The following MACF1 variants were observed in gnomAD, a reference collection of about 807,000 sequenced individuals.
MACF1 encodes microtubule-actin cross-linking factor 1.
Under a neutral mutation model 854.8 loss-of-function variants are expected in MACF1, and 193 were observed. That is an observed-to-expected ratio of 0.23 (90% CI 0.20 to 0.25). The LOEUF is 0.25. Among genes scored for constraint, MACF1 ranks in the 10% least tolerant of loss-of-function variants. The pLI, the probability that MACF1 is intolerant of heterozygous loss-of-function variation, is 1.00. For missense variants in MACF1, 7,722 were observed against 8,929.1 expected, an observed-to-expected ratio of 0.86 and a Z score of 5.45; for synonymous variants, 3,185 against 3,226.7, an observed-to-expected ratio of 0.99 and a Z score of 0.44.
intron 58 of MACF1, among the ~76,000 whole-genome samples, chr1:39,403,043 GT>G (rs1305474403): frequency 6.7e-6 from 1 of 148,992 alleles, no homozygotes; most frequent in South Asian, 2.1e-4. Flanking sequence ...TCTCTCTTTT[GT>G]TTTTTTTGTT....
chr1:39,330,500 T>A (rs1339522410), intron 36 of MACF1, among the ~76,000 whole-genome samples: 1 of 152,192 alleles, frequency 6.6e-6, no homozygotes, highest in Non-Finnish European at 1.5e-5. Flanking sequence ...TGGCGTTGAA[T>A]TCTCACTTTG....
chr1:39,109,378 T>C (rs1331828064), intron 2 of MACF1, among the ~76,000 whole-genome samples: 1 of 152,220 alleles, frequency 6.6e-6, no homozygotes, highest in Non-Finnish European at 1.5e-5. Context: ...CAAGCAATTC[T>C]CCTGCCTCAG....
At chr1:39,312,308 T>C (rs1646317702) in intron 26 of MACF1, among the ~76,000 whole-genome samples, 2 of 152,230 alleles carry the variant, frequency 1.3e-5, no homozygotes, top group South Asian at 4.1e-4. Context: ...AGAAAAGTTT[T>C]ATTCTCTTAT....
At chr1:39,321,694 T>G (rs552956401) in intron 31 of MACF1, among the ~76,000 whole-genome samples, 107 of 152,312 alleles carry the variant, frequency 7.0e-4, no homozygotes, top group African/African-American at 2.4e-3. Context: ...CTTCTCAAAG[T>G]GTTGTCTTTG....
At chr1:39,222,272 A>G (rs1002016713) in intron 1 of MACF1, among the ~76,000 whole-genome samples, 1 of 152,142 alleles carries the variant, frequency 6.6e-6, no homozygotes, top group Non-Finnish European at 1.5e-5. Flanking sequence ...CCACAGGCGC[A>G]AGCCACCATG....
chr1:39,284,948 T>G, intron 11 of MACF1, 135 bp from the exon 12 acceptor site: 1 of 1,226,964 alleles, frequency 8.2e-7, no homozygotes, highest in Non-Finnish European at 1.2e-6. Flanking sequence ...TATTTGATTG[T>G]TTTTCCATGT....
At chr1:39,327,051 C>G (rs1646628181) in intron 35 of MACF1, among the ~76,000 whole-genome samples, 167 bp from the exon 36 acceptor site, 1 of 152,074 alleles carries the variant, frequency 6.6e-6, no homozygotes, top group Admixed American at 6.5e-5. Flanking sequence ...AGAACCATGA[C>G]TTGATTTGAG....
At chr1:39,440,111 C>CTTTTCTTTT (rs1553414036) in intron 72 of MACF1, among the ~76,000 whole-genome samples, 15 of 64,518 alleles carry the variant, frequency 2.3e-4, no homozygotes, top group East Asian at 1.1e-3. Flanking sequence ...CTTTTCTTTT[C>CTTTTCTTTT]TTTTTTTTTT....
intron 97 of MACF1, among the ~76,000 whole-genome samples, chr1:39,472,551 G>GT (rs1464026212): frequency 1.3e-5 from 2 of 152,162 alleles, no homozygotes; most frequent in African/African-American, 4.8e-5. Context: ...TTTCTTCCAA[G>GT]TGATATGTAT....
intron 58 of MACF1, among the ~76,000 whole-genome samples, chr1:39,396,410 T>TA (rs1463622679): frequency 6.6e-6 from 1 of 151,890 alleles, no homozygotes; most frequent in African/African-American, 2.4e-5. Flanking sequence ...ATTCTTCACA[T>TA]ACAGTATCAG....
intron 2 of MACF1, among the ~76,000 whole-genome samples, chr1:39,172,079 C>T (rs982114284): frequency 3.9e-5 from 6 of 152,172 alleles, no homozygotes; most frequent in African/African-American, 1.4e-4. Flanking sequence ...TCAGGGGACT[C>T]TGAATGTTGC....
At chr1:39,195,698 G>A (rs1644310565) in intron 2 of MACF1, among the ~76,000 whole-genome samples, 1 of 152,134 alleles carries the variant, frequency 6.6e-6, no homozygotes, top group South Asian at 2.1e-4. Context: ...AAACGTGCCA[G>A]GATAATGAGG....
intron 2 of MACF1, among the ~76,000 whole-genome samples, chr1:39,125,522 G>C (rs929321631): frequency 6.6e-6 from 1 of 152,150 alleles, no homozygotes; most frequent in African/African-American, 2.4e-5. Context: ...ATTCATTCGG[G>C]AGATGCTTAG....
chr1:39,309,463 A>G (rs1293560159), intron 23 of MACF1, 107 bp from the exon 24 acceptor site: 4 of 1,338,724 alleles, frequency 3.0e-6, no homozygotes, highest in South Asian at 1.4e-5. Flanking sequence ...TCTCTGCTCA[A>G]CATATAAGCT....
chr1:39,090,680 C>G (rs1216765112), intron 2 of MACF1, among the ~76,000 whole-genome samples: 2 of 152,172 alleles, frequency 1.3e-5, no homozygotes, highest in Non-Finnish European at 2.9e-5. Context: ...GAAGCCTAGG[C>G]TGAAGGTAGG....
intron 58 of MACF1, among the ~76,000 whole-genome samples, chr1:39,402,743 C>T (rs1642526003): frequency 6.6e-6 from 1 of 152,214 alleles, no homozygotes; most frequent in Non-Finnish European, 1.5e-5. Flanking sequence ...TCATTGGCTT[C>T]CTAGTTGCCA....
At chr1:39,239,067 G>T (rs1488709897) in intron 2 of MACF1, among the ~76,000 whole-genome samples, 1 of 152,144 alleles carries the variant, frequency 6.6e-6, no homozygotes, top group African/African-American at 2.4e-5. Context: ...GATCACTTGA[G>T]GTCAGGAGTT....
At chr1:39,449,981 T>G (rs943836982) in intron 84 of MACF1, among the ~76,000 whole-genome samples, 1 of 152,142 alleles carries the variant, frequency 6.6e-6, no homozygotes, top group Non-Finnish European at 1.5e-5. Flanking sequence ...TTCCTCAGCC[T>G]CCCAAGTAGC....
At chr1:39,182,703 G>GA (rs1206362214) in intron 2 of MACF1, among the ~76,000 whole-genome samples, 2 of 152,176 alleles carry the variant, frequency 1.3e-5, no homozygotes, top group Admixed American at 6.5e-5. Flanking sequence ...ATAAAAAAGA[G>GA]AGTGAGGATG....
Sources: gnomAD v4.1 joint callset for allele counts (sites outside exome capture counted in the v4.1 genomes callset) on GRCh38, gnomAD v4.1.1 for gene constraint, MANE v1.5 for transcripts, NCBI Gene and HGNC (gene_info 2026-07-23, HGNC 2026-07-21) for gene names.